The following ZNF518A variants were observed in gnomAD, a reference collection of about 807,000 sequenced individuals.
ZNF518A encodes zinc finger protein 518.
Under a neutral mutation model 102.7 loss-of-function variants are expected in ZNF518A, and 47 were observed. The observed-to-expected ratio is 0.46, with a 90% CI of 0.36 to 0.58. The LOEUF is 0.58. Ranked by LOEUF, ZNF518A falls within the 20% of genes least tolerant of loss-of-function variation. ZNF518A has a pLI of 0.00. For synonymous variants in ZNF518A, 652 were observed against 594.6 expected (o/e 1.10, Z -1.40); for missense variants, 1,793 against 1,699.8 (o/e 1.05, Z -0.96).
At chr10:96,190,742 C>T (rs1328684027) in intron 1 of ZNF518A, among the ~76,000 whole-genome samples, 1 of 152,148 alleles carries the variant, frequency 6.6e-6, no homozygotes, top group African/African-American at 2.4e-5. Flanking sequence ...TCACTGCTGT[C>T]TGAAGTACAC....
At chr10:96,171,933 C>T (rs1263773358) in intron 1 of ZNF518A, among the ~76,000 whole-genome samples, 2 of 151,900 alleles carry the variant, frequency 1.3e-5, no homozygotes, top group African/African-American at 4.8e-5. Context: ...CATGGAACCC[C>T]CAATAAGATT....
At chr10:96,140,464 T>G (rs1439030466) in intron 3 of ZNF518A, among the ~76,000 whole-genome samples, 1 of 152,170 alleles carries the variant, frequency 6.6e-6, no homozygotes, top group Non-Finnish European at 1.5e-5. Flanking sequence ...CCTCCCCTCA[T>G]GTATTCCAAA....
chr10:96,201,135 T>C, intron 1 of ZNF518A: 1 of 1,295,340 alleles, frequency 7.7e-7, no homozygotes, highest in South Asian at 1.2e-5. Context: ...CCTAACACTG[T>C]ACTAGGTGCT....
At chr10:96,130,971 A>G (rs1425349316) in intron 1 of ZNF518A, 2 of 152,260 alleles carry the variant, frequency 1.3e-5, no homozygotes, top group African/African-American at 4.8e-5. Flanking sequence ...CCGATCAAAC[A>G]GATGTAGCTT....
chr10:96,160,177 C>T lies in ZNF518A; in HGVS notation c.3855C>T (p.Tyr1285=). 6.2e-7 allele frequency: 1 copy of T among 1,608,190 alleles called. No homozygotes were observed. The highest frequency in any genetic ancestry group is 8.5e-7 in the Non-Finnish European group (1 of 1,177,526). Reference sequence around the variant, plus strand: ...GTAAACGAAAGTGTAGGGATAGTTACCAAGAACCTCCAAGAAGAAAAGCAA... The same window carrying T: ...GTAAACGAAAGTGTAGGGATAGTTATCAAGAACCTCCAAGAAGAAAAGCAA... ...RNCKRKCRDS[Y]QEPPRRKATL... The change falls in exon 6 of 6, where the codon TAC becomes TAT. Residue 1285 remains tyrosine, a synonymous_variant. Coordinates refer to ENST00000316045, the MANE Select transcript of ZNF518A (RefSeq NM_001330736.2).
intron 1 of ZNF518A, chr10:96,189,553 G>C: frequency 1.5e-6 from 1 of 661,048 alleles, no homozygotes; most frequent in East Asian, 3.2e-5. Flanking sequence ...GTTTTTTCCT[G>C]TTTTTTGAAG....
At chr10:96,203,100 A>G (rs1196096757) in intron 1 of ZNF518A, among the ~76,000 whole-genome samples, 1 of 152,214 alleles carries the variant, frequency 6.6e-6, no homozygotes, top group African/African-American at 2.4e-5. Flanking sequence ...TCATGAGGAC[A>G]GGGTCTTTAT....
chr10:96,133,815 T>G, intron 3 of ZNF518A, among the ~76,000 whole-genome samples, 167 bp downstream of exon 3: 1 of 152,226 alleles, frequency 6.6e-6, no homozygotes, highest in African/African-American at 2.4e-5. Flanking sequence ...CAGGGCCATT[T>G]TTTTACAAAG....
intron 1 of ZNF518A, 199 bp downstream of exon 1, chr10:96,130,951 C>CT (rs1398228914): frequency 2.0e-5 from 3 of 152,128 alleles, no homozygotes; most frequent in Non-Finnish European, 4.4e-5. Context: ...TGTTTTAACT[C>CT]TTAAGTGGAC....
chr10:96,160,831 G>A lies in ZNF518A; in HGVS notation c.*57G>A. The A allele has an allele frequency of 6.9e-7, 1 of 1,444,690 alleles. No individual in the cohort carries two copies. The highest frequency in any genetic ancestry group is 9.1e-7 in the Non-Finnish European group (1 of 1,096,502). The allele number at this position is 1,444,690 out of a possible 1,614,324, so 89.5% of individuals were successfully genotyped here. Reference sequence around the variant, plus strand: ...AAATTACCTTAGAAGAAAACAACGGGTTCAGTTACCATAATGCAGACATTT... The same window carrying A: ...AAATTACCTTAGAAGAAAACAACGGATTCAGTTACCATAATGCAGACATTT... On this transcript the variant is annotated 3_prime_UTR_variant, in exon 6 of 6. Transcript: ENST00000316045.
At chr10:96,143,025 C>T (rs587719337) in intron 3 of ZNF518A, among the ~76,000 whole-genome samples, 11 of 152,244 alleles carry the variant, frequency 7.2e-5, no homozygotes, top group Non-Finnish European at 1.3e-4. Flanking sequence ...CCAGGCTGTT[C>T]TTGAACTCCT....
intron 3 of ZNF518A, among the ~76,000 whole-genome samples, chr10:96,140,562 A>G (rs189834712): frequency 2.0e-5 from 3 of 152,218 alleles, no homozygotes; most frequent in Non-Finnish European, 4.4e-5. Context: ...TTCCTTTTCT[A>G]TACTGAATTC....
intron 3 of ZNF518A, among the ~76,000 whole-genome samples, chr10:96,138,937 ATTTT>A (rs782442450): frequency 1.5e-5 from 2 of 136,042 alleles, no homozygotes; most frequent in African/African-American, 2.7e-5. Flanking sequence ...AAAGTGGCGA[ATTTT>A]TTTTTTTTTT....
rs111554421 is a variant in ZNF518A, at chr10:96,184,023, A to G, written n.36-19551A>G. ...CGTATTGGGTGCATATAGATTTAGGATAGTTAGCTCTTCTTGTTGAATTCG... is the reference window on the plus strand; with the variant it reads ...CGTATTGGGTGCATATAGATTTAGGGTAGTTAGCTCTTCTTGTTGAATTCG... On this transcript the variant is annotated intron_variant and non_coding_transcript_variant, in intron 1 of 2. Transcript: ENST00000442635. Among the ~76,000 whole-genome samples the G allele has an allele frequency of 1.7e-3, 252 of 152,320 alleles. 3 individuals are homozygous for G. The highest frequency in any genetic ancestry group is 5.7e-3 in the African/African-American group (236 of 41,574).
At chr10:96,191,970 C>G in intron 1 of ZNF518A, 4 of 1,613,210 alleles carry the variant, frequency 2.5e-6, no homozygotes, top group Non-Finnish European at 3.4e-6. Context: ...TTTTTTTCCC[C>G]CTTTATGAAA....
In ZNF518A at chr10:96,193,089, C is replaced by G. The variant is rs1046205045; in HGVS notation, n.36-10485C>G. Among the ~76,000 whole-genome samples, 8 of 152,134 alleles carry G rather than the reference C, an allele frequency of 5.3e-5. No homozygotes were observed. In the East Asian group the frequency reaches 1.5e-3, roughly 29 times the overall value. On this transcript the variant is annotated intron_variant and non_coding_transcript_variant, in intron 1 of 2. Transcript: ENST00000442635. Reference sequence around the variant, plus strand: ...CATTTCCAAATGAAATACCAGTTGTCTTTTAGATAATTGGCTAGCTGAATA... The same window carrying G: ...CATTTCCAAATGAAATACCAGTTGTGTTTTAGATAATTGGCTAGCTGAATA...
At position 96,200,892 on chromosome 10, in the gene ZNF518A, G is replaced by A; in HGVS notation, n.36-2682G>A. On this transcript the variant is annotated intron_variant and non_coding_transcript_variant, in intron 1 of 2. Coordinates refer to the ZNF518A transcript ENST00000442635. The surrounding 1 kb of genome is among the most constrained non-coding windows in gnomAD (Gnocchi z 4.3). ...GTAAAATACAGTCTCTGTTCTCAAGGTTCACTCCAAATGTCTTCTTCTCAG... is the reference window on the plus strand; with the variant it reads ...GTAAAATACAGTCTCTGTTCTCAAGATTCACTCCAAATGTCTTCTTCTCAG... 3 of 1,167,940 alleles carry A rather than the reference G, an allele frequency of 2.6e-6. No homozygotes were observed. Among genetic ancestry groups the A allele is most frequent in the Non-Finnish European group, 3.9e-6 (3 of 773,870 alleles). 72.3% of individuals were successfully genotyped at this position (1,167,940 alleles called of 1,614,324 possible). A position where few individuals can be genotyped will look rare whatever the true frequency, so the allele number is the denominator to read the frequency against.
At chr10:96,141,686 A>G (rs1415882961) in intron 3 of ZNF518A, among the ~76,000 whole-genome samples, 2 of 151,996 alleles carry the variant, frequency 1.3e-5, no homozygotes, top group East Asian at 1.9e-4. Context: ...TCTGTATTTA[A>G]TTACTTTTGC....
intron 1 of ZNF518A, among the ~76,000 whole-genome samples, chr10:96,183,981 A>G (rs1591279702): frequency 6.6e-6 from 1 of 152,178 alleles, no homozygotes; most frequent in Non-Finnish European, 1.5e-5. Context: ...GACTTGCTTT[A>G]TGAATCTGGG....
Sources: allele counts gnomAD v4.1 joint callset (sites outside exome capture counted in the v4.1 genomes callset), GRCh38; gene constraint gnomAD v4.1.1; non-coding constraint Gnocchi (gnomAD v3.1); transcripts MANE v1.5; gene names NCBI Gene and HGNC (gene_info 2026-07-23, HGNC 2026-07-21).